The following GALNT10 variants were observed in gnomAD, a reference collection of about 807,000 sequenced individuals.
GALNT10 encodes polypeptide N-acetylgalactosaminyltransferase 10, also known as GalNAc transferase 10.
Under a neutral mutation model 75.0 loss-of-function variants are expected in GALNT10, and 41 were observed. The ratio of observed to expected loss-of-function variants is 0.55; its 90% confidence interval spans 0.43 to 0.71. The LOEUF is 0.71. Among genes scored for constraint, GALNT10 ranks in the 30% least tolerant of loss-of-function variants. The pLI, the probability that GALNT10 is intolerant of heterozygous loss-of-function variation, is 0.00. For missense variants in GALNT10, 727 were observed against 818.5 expected, an observed-to-expected ratio of 0.89 and a Z score of 1.36; for synonymous variants, 302 against 313.0, an observed-to-expected ratio of 0.96 and a Z score of 0.37.
chr5:154,196,477 T>G (rs1285661443), intron 1 of GALNT10, among the ~76,000 whole-genome samples: 2 of 152,288 alleles, frequency 1.3e-5, no homozygotes, highest in East Asian at 3.9e-4. Flanking sequence ...AGGTATGGTG[T>G]GATCTAGAGG....
chr5:154,246,858 G>T (rs1191977312), intron 1 of GALNT10, among the ~76,000 whole-genome samples: 1 of 152,232 alleles, frequency 6.6e-6, no homozygotes, highest in East Asian at 1.9e-4. Context: ...CATTGCTTTT[G>T]GTGTTTTAGA....
At chr5:154,255,359 C>T (rs892265852) in intron 1 of GALNT10, among the ~76,000 whole-genome samples, 1 of 152,080 alleles carries the variant, frequency 6.6e-6, no homozygotes, top group Non-Finnish European at 1.5e-5. Context: ...CTTGGATAAG[C>T]AATTGCAGTG....
intron 4 of GALNT10, chr5:154,337,924 G>A: frequency 5.4e-6 from 8 of 1,474,292 alleles, no homozygotes; most frequent in Non-Finnish European, 7.5e-6. Context: ...CCATTCACAG[G>A]ATGGTATTTC....
intron 1 of GALNT10, among the ~76,000 whole-genome samples, chr5:154,267,108 C>A (rs1753789689): frequency 2.6e-5 from 4 of 151,988 alleles, no homozygotes; most frequent in Admixed American, 2.6e-4. Context: ...TGAAGATGAC[C>A]CAAACTATTT....
intron 8 of GALNT10, among the ~76,000 whole-genome samples, chr5:154,408,963 G>T (rs1236370173): frequency 6.6e-6 from 1 of 152,152 alleles, no homozygotes; most frequent in Non-Finnish European, 1.5e-5. Context: ...CTTCATTCTG[G>T]GTTGATTTCA....
At position 154,412,667 on chromosome 5, in the gene GALNT10, T is replaced by A; in HGVS notation, c.1387-222T>A. On this transcript the variant is annotated intron_variant, in intron 9 of 11. Transcript: ENST00000297107. The surrounding 1 kb of genome is among the most constrained non-coding windows in gnomAD (Gnocchi z 4.2). The stretch of plus-strand genomic sequence containing the variant: ...ACCCAGGACTCTGCATACTCTACAA[T>A]ACTACTTACAGCAGTGCTTTAAGGA... 4 of 464,728 alleles carry A rather than the reference T, an allele frequency of 8.6e-6. No homozygotes were observed. The highest frequency in any genetic ancestry group is 4.3e-5 in the East Asian group (1 of 23,272). The allele number at this position is 464,728 out of a possible 1,614,324, so 28.8% of individuals were successfully genotyped here. A position where few individuals can be genotyped will look rare whatever the true frequency, so the allele number is the denominator to read the frequency against.
intron 4 of GALNT10, chr5:154,330,059 A>G (rs999035635): frequency 1.4e-4 from 26 of 182,320 alleles, no homozygotes; most frequent in African/African-American, 5.4e-4. Flanking sequence ...TAAATATTGC[A>G]TAACAAGAGA....
intron 8 of GALNT10, among the ~76,000 whole-genome samples, chr5:154,408,400 TG>T (rs1255324613): frequency 1.3e-5 from 2 of 151,566 alleles, no homozygotes; most frequent in Non-Finnish European, 1.5e-5. Flanking sequence ...AAAATTGGGG[TG>T]GGGGGACAAC....
chr5:154,357,605 G>C (rs71590133), intron 4 of GALNT10, among the ~76,000 whole-genome samples: 1 of 152,090 alleles, frequency 6.6e-6, no homozygotes, highest in East Asian at 1.9e-4. Context: ...TTTAAAATCT[G>C]ATTGAATTGC....
chr5:154,369,464 G>A (rs546561040), intron 4 of GALNT10, among the ~76,000 whole-genome samples: 48 of 152,236 alleles, frequency 3.2e-4, no homozygotes, highest in African/African-American at 9.1e-4. Context: ...GCCTAGGCAC[G>A]TGGTAAGCAC....
intron 4 of GALNT10, among the ~76,000 whole-genome samples, chr5:154,362,921 G>A (rs1003188016): frequency 1.3e-5 from 2 of 152,110 alleles, no homozygotes; most frequent in African/African-American, 4.8e-5. Context: ...GTGTCAGGGC[G>A]AGGGCATAAG....
At chr5:154,415,973 T>A (rs1325312555) in intron 11 of GALNT10, 41 bp downstream of exon 11, 1 of 1,599,362 alleles carries the variant, frequency 6.3e-7, no homozygotes, top group Non-Finnish European at 8.5e-7. Flanking sequence ...CTGCTTAATT[T>A]TTTTTTAAGG....
intron 1 of GALNT10, among the ~76,000 whole-genome samples, chr5:154,229,649 C>T (rs758011311): frequency 3.9e-5 from 6 of 152,036 alleles, no homozygotes; most frequent in African/African-American, 7.2e-5. Context: ...AGGAGAGTGG[C>T]GTGAACCCAG....
In GALNT10 at chr5:154,294,906, G is replaced by A. The variant is rs1413428054; in HGVS notation, c.250G>A (p.Ala84Thr). ...WHDKEAIRRD[A>T]QRVGNGEQGR... ...TGACAAGGAGGCCATCCGGAGGGAC[G>A]CTCAGCGCGTAGGTACGGAGGGCAG... Residue 84 changes from alanine to threonine, a missense_variant, in exon 2 of 12, where the codon GCT becomes ACT. Transcript: ENST00000297107. 1.2e-5 allele frequency: 18 copies of A among 1,552,736 alleles called. No homozygotes were observed. The highest frequency in any genetic ancestry group is 1.7e-5 in the Admixed American group (1 of 59,916).
At chr5:154,261,109 T>C (rs1753692747) in intron 1 of GALNT10, among the ~76,000 whole-genome samples, 1 of 152,216 alleles carries the variant, frequency 6.6e-6, no homozygotes. Flanking sequence ...CAATCAACCT[T>C]GAAGAGTCTG....
intron 1 of GALNT10, among the ~76,000 whole-genome samples, chr5:154,205,926 A>T (rs913356641): frequency 1.3e-5 from 2 of 152,166 alleles, no homozygotes; most frequent in Admixed American, 6.5e-5. Context: ...TGACGCAATA[A>T]ATTTCTGTTG....
chr5:154,355,570 C>T (rs1000229117), intron 4 of GALNT10, among the ~76,000 whole-genome samples: 9 of 152,310 alleles, frequency 5.9e-5, no homozygotes, highest in African/African-American at 9.6e-5. Context: ...TGTCAGCACT[C>T]GCCAAAAAAT....
chr5:154,332,662 A>G (rs1171660029), intron 4 of GALNT10, among the ~76,000 whole-genome samples: 1 of 152,102 alleles, frequency 6.6e-6, no homozygotes, highest in Admixed American at 6.5e-5. Context: ...ATGAGGAGGG[A>G]GGGAGGAAAT....
At chr5:154,299,935 A>G (rs2113081203) in intron 3 of GALNT10, among the ~76,000 whole-genome samples, 1 of 151,726 alleles carries the variant, frequency 6.6e-6, no homozygotes, top group East Asian at 2.0e-4. Flanking sequence ...CCTGAGCTCA[A>G]GCAATCCTCC....
Sources: allele counts gnomAD v4.1 joint callset (sites outside exome capture counted in the v4.1 genomes callset), GRCh38; gene constraint gnomAD v4.1.1; non-coding constraint Gnocchi (gnomAD v3.1); transcripts MANE v1.5; gene names NCBI Gene and HGNC (gene_info 2026-07-23, HGNC 2026-07-21).